The following TMEM164 variants were observed in gnomAD, a reference collection of about 807,000 sequenced individuals.
TMEM164 encodes transmembrane protein 164.
Under a neutral mutation model 18.8 loss-of-function variants are expected in TMEM164, and 4 were observed. The observed-to-expected ratio is 0.21, with a 90% CI of 0.10 to 0.49. TMEM164 has a LOEUF of 0.49. Among genes scored for constraint, TMEM164 ranks in the 20% least tolerant of loss-of-function variants. The pLI, the probability that TMEM164 is intolerant of heterozygous loss-of-function variation, is 0.98. For missense variants in TMEM164, 108 were observed against 239.9 expected, an observed-to-expected ratio of 0.45 and a Z score of 3.63; for synonymous variants, 86 against 101.7, an observed-to-expected ratio of 0.85 and a Z score of 0.93.
intron 5 of TMEM164, among the ~76,000 whole-genome samples, chrX:110,153,775 A>C (rs961363523): frequency 8.9e-6 from 1 of 111,905 alleles, no homozygotes; most frequent in African/African-American, 3.2e-5. Flanking sequence ...ATTATATTTG[A>C]AAAAAATTTT....
chrX:110,136,477 A>G (rs1042426590), intron 4 of TMEM164, among the ~76,000 whole-genome samples: 2 of 111,752 alleles, frequency 1.8e-5, no homozygotes, highest in Admixed American at 1.9e-4. Context: ...AAGGAGATGG[A>G]TTATCTTTTT....
intron 3 of TMEM164, among the ~76,000 whole-genome samples, chrX:110,099,569 T>G (rs2066078667): frequency 8.9e-6 from 1 of 112,714 alleles, no homozygotes; most frequent in African/African-American, 3.2e-5. Context: ...CATTGATTGA[T>G]GTGTCTATTC....
intron 3 of TMEM164, among the ~76,000 whole-genome samples, chrX:110,098,971 T>G (rs1309485084): frequency 2.0e-5 from 2 of 100,072 alleles, no homozygotes; most frequent in Non-Finnish European, 4.0e-5. Context: ...TTTTTTTTTT[T>G]GTATTTTTAG....
chrX:110,144,230 A>T (rs1046939526), intron 4 of TMEM164, among the ~76,000 whole-genome samples: 1 of 110,059 alleles, frequency 9.1e-6, no homozygotes, highest in Non-Finnish European at 1.9e-5. Flanking sequence ...CCTAGCAATC[A>T]TTTTTTTTTC....
intron 5 of TMEM164, among the ~76,000 whole-genome samples, chrX:110,161,291 T>A (rs1025374227): frequency 5.4e-5 from 6 of 111,802 alleles, no homozygotes; most frequent in African/African-American, 2.0e-4. Context: ...TCCATACCAT[T>A]GAGCCCATTG....
At chrX:110,116,822 T>TTGTGTGTG (rs560695330) in intron 4 of TMEM164, among the ~76,000 whole-genome samples, 14 of 97,017 alleles carry the variant, frequency 1.4e-4, no homozygotes, top group East Asian at 3.2e-4. Flanking sequence ...GGCCACTCCC[T>TTGTGTGTG]TGTGTGTGTG....
chrX:110,178,198 A>G (rs767254164), downstream of TMEM164, among the ~76,000 whole-genome samples: 1 of 112,471 alleles, frequency 8.9e-6, no homozygotes, highest in South Asian at 3.7e-4. Context: ...GACCATGAAC[A>G]AGATAGCCTT....
intron 2 of TMEM164, chrX:110,020,387 C>T: frequency 1.3e-6 from 1 of 754,063 alleles, no homozygotes; most frequent in Non-Finnish European, 1.6e-6. Flanking sequence ...GTCCAGCAGG[C>T]TATTAAGATG....
At chrX:110,004,811 A>G (rs764424492) in intron 2 of TMEM164, among the ~76,000 whole-genome samples, 1 of 111,593 alleles carries the variant, frequency 9.0e-6, no homozygotes, top group South Asian at 3.7e-4. Flanking sequence ...GTGAGAGGGT[A>G]TTTCTTTTTT....
At chrX:110,141,527 C>A (rs978397026) in intron 4 of TMEM164, among the ~76,000 whole-genome samples, 1 of 111,373 alleles carries the variant, frequency 9.0e-6, no homozygotes, top group Non-Finnish European at 1.9e-5. Context: ...AAAGGGGAAA[C>A]CCCTTATAAA....
intron 2 of TMEM164, among the ~76,000 whole-genome samples, chrX:110,023,048 T>C (rs1376842356): frequency 8.9e-6 from 1 of 112,035 alleles, no homozygotes; most frequent in Non-Finnish European, 1.9e-5. Flanking sequence ...CAGGTGAACC[T>C]AATGGCCTGT....
At chrX:110,101,251 A>C (rs2066106066) in intron 3 of TMEM164, among the ~76,000 whole-genome samples, 1 of 111,899 alleles carries the variant, frequency 8.9e-6, no homozygotes, top group South Asian at 3.7e-4. Flanking sequence ...TTGGTCACTG[A>C]AACTGAGTCT....
rs762211660 is a variant in TMEM164 at position 110,176,434 on chromosome X, C to T, written c.*2983C>T. 34 of 753,571 alleles carry T rather than the reference C, an allele frequency of 4.5e-5. No homozygotes were observed. In the East Asian group the frequency reaches 4.7e-3, roughly 104 times the overall value. The allele number at this position is 753,571 out of a possible 1,213,427, so 62.1% of individuals were successfully genotyped here. ...GGTTCTGAAGCCACAGACTCAGTCT[C>T]CCCAAGTCAGCAATCTCTTTCTCTC... On this transcript the variant is annotated 3_prime_UTR_variant, in exon 7 of 7. Transcript: ENST00000372068.
chrX:110,120,987 A>G (rs888901456), intron 4 of TMEM164, among the ~76,000 whole-genome samples: 1 of 112,150 alleles, frequency 8.9e-6, no homozygotes, highest in African/African-American at 3.2e-5. Context: ...TAATTTCACC[A>G]TATTAAGTAT....
At chrX:110,103,872 A>G (rs755619328) in intron 3 of TMEM164, among the ~76,000 whole-genome samples, 1 of 111,063 alleles carries the variant, frequency 9.0e-6, no homozygotes, top group African/African-American at 3.3e-5. Flanking sequence ...ACATGAGGGA[A>G]GGGTCGACCC....
At position 110,134,605 on chromosome X, in the gene TMEM164, CG is replaced by C. The variant is rs1233769693; in HGVS notation, c.508-10192del. Among the ~76,000 whole-genome samples the C allele has an allele frequency of 5.5e-3, 561 of 102,168 alleles. 5 individuals are homozygous for C. Among genetic ancestry groups the C allele is most frequent in the African/African-American group, 0.018 (503 of 27,888 alleles). The allele number at this position is 102,168 out of a possible 115,157, so 88.7% of individuals were successfully genotyped here. ...AAAAAAGGACCAGTGGCTGCCCCCC[CG>C]CTTAATTATGCCCCCCTGCCCTTTC... On this transcript the variant is annotated intron_variant, in intron 4 of 6. Coordinates refer to ENST00000372068, the MANE Select transcript of TMEM164 (RefSeq NM_032227.4).
chrX:110,123,628 G>A, intron 4 of TMEM164, among the ~76,000 whole-genome samples: 1 of 111,700 alleles, frequency 9.0e-6, no homozygotes, highest in African/African-American at 3.3e-5. Context: ...GAGACTTCAG[G>A]GTTATTTAAG....
chrX:110,181,955 G>A (rs1044316879), downstream of TMEM164, among the ~76,000 whole-genome samples: 1 of 112,034 alleles, frequency 8.9e-6, no homozygotes, highest in Non-Finnish European at 1.9e-5. Flanking sequence ...GGTCTGTGGT[G>A]TGTATGTGAG....
chrX:110,149,676 T>C (rs989764796), intron 5 of TMEM164, among the ~76,000 whole-genome samples: 1 of 112,234 alleles, frequency 8.9e-6, no homozygotes, highest in African/African-American at 3.2e-5. Flanking sequence ...TCTGTCTAGT[T>C]ATGGCTGCTA....
Sources: allele counts gnomAD v4.1 joint callset (sites outside exome capture counted in the v4.1 genomes callset), GRCh38; gene constraint gnomAD v4.1.1; transcripts MANE v1.5; gene names NCBI Gene and HGNC (gene_info 2026-07-23, HGNC 2026-07-21).